The following MYLK variants were observed in gnomAD, a reference collection of about 807,000 sequenced individuals.
The protein encoded by MYLK is myosin light chain kinase, smooth muscle.
MYLK carries 106 observed loss-of-function variants against 203.4 expected under a neutral mutation model. The ratio of observed to expected loss-of-function variants is 0.52; its 90% confidence interval spans 0.45 to 0.61. The LOEUF (loss-of-function observed/expected upper bound fraction) is 0.61, where lower values mean the gene tolerates loss of function less well. Ranked by LOEUF, MYLK falls within the 20% of genes least tolerant of loss-of-function variation. The probability of loss-of-function intolerance (pLI) is 0.00; values close to 1 mark genes in which losing one functional copy is unlikely to be tolerated. For missense variants in MYLK, 2,072 were observed against 2,442.3 expected (o/e 0.85, Z 3.20); for synonymous variants, 867 against 959.5 (o/e 0.90, Z 1.78).
intron 11 of MYLK, 73 bp downstream of exon 11, chr3:123,732,823 C>T: frequency 1.4e-6 from 2 of 1,448,980 alleles, no homozygotes; most frequent in Non-Finnish European, 1.9e-6. Context: ...GATGAACCAT[C>T]TGCAGAAGGT....
chr3:123,756,779 G>A (rs1384505962), intron 4 of MYLK, among the ~76,000 whole-genome samples: 1 of 152,174 alleles, frequency 6.6e-6, no homozygotes, highest in African/African-American at 2.4e-5. Context: ...GTCACTCTAA[G>A]GAGAGAATCG....
intron 2 of MYLK, among the ~76,000 whole-genome samples, chr3:123,862,195 T>C (rs989049209): frequency 2.0e-5 from 3 of 152,258 alleles, no homozygotes; most frequent in African/African-American, 4.8e-5. Flanking sequence ...TGTAACTTCA[T>C]GGCCATCTGT....
At chr3:123,641,827 T>TCTCCC (rs912434093) in intron 27 of MYLK, among the ~76,000 whole-genome samples, 1 of 134,482 alleles carries the variant, frequency 7.4e-6, no homozygotes, top group Non-Finnish European at 1.6e-5. Context: ...CTTTCCTCCT[T>TCTCCC]CTCCCCTCCC....
intron 3 of MYLK, among the ~76,000 whole-genome samples, chr3:123,807,804 G>A (rs1247656372): frequency 1.3e-5 from 2 of 152,192 alleles, no homozygotes; most frequent in African/African-American, 2.4e-5. Flanking sequence ...AAACCTTGCT[G>A]CCCTTCTCCA....
chr3:123,709,615 C>T (rs1399542402), intron 14 of MYLK, 141 bp downstream of exon 14: 5 of 1,066,764 alleles, frequency 4.7e-6, no homozygotes, highest in Non-Finnish European at 7.2e-6. Context: ...CAAGAGTCTC[C>T]ATTTCTTTGG....
chr3:123,813,662 G>A (rs758065528), intron 3 of MYLK, among the ~76,000 whole-genome samples: 3 of 152,062 alleles, frequency 2.0e-5, no homozygotes, highest in African/African-American at 2.4e-5. Context: ...AGACATGTGC[G>A]ACCACGCCTG....
chr3:123,706,301 C>T (rs1471160299), intron 16 of MYLK, among the ~76,000 whole-genome samples: 1 of 152,194 alleles, frequency 6.6e-6, no homozygotes, highest in Non-Finnish European at 1.5e-5. Context: ...GTATAAAGCA[C>T]ATGGTCACAA....
chr3:123,694,642 G>A (rs1005177171), intron 18 of MYLK, among the ~76,000 whole-genome samples: 3 of 152,228 alleles, frequency 2.0e-5, no homozygotes, highest in Admixed American at 1.3e-4. Context: ...CAGTCCCTCA[G>A]CTGCCTTGAG....
chr3:123,733,908 A>AC lies in MYLK; in HGVS notation c.1087dup (p.Val363GlyfsTer38), dbSNP rs34900711. 6.2e-7 allele frequency: 1 copy of AC among 1,613,748 alleles called. No individual in the cohort carries two copies. Among genetic ancestry groups the AC allele is most frequent in the Admixed American group, 1.7e-5 (1 of 60,000 alleles). On this transcript the variant is annotated frameshift_variant, in exon 10 of 34. Transcript: ENST00000360304. LOFTEE classifies it high-confidence loss of function. ...CCTCTCTTCTCCAGAAGGTGATAGGACCCCCAGGCCTGGTGCTCTTGGTTC... is the reference window on the plus strand; with the variant it reads ...CCTCTCTTCTCCAGAAGGTGATAGGACCCCCCAGGCCTGGTGCTCTTGGTTC...
At chr3:123,878,125 G>C (rs774048891) in intron 1 of MYLK, among the ~76,000 whole-genome samples, 5 of 152,096 alleles carry the variant, frequency 3.3e-5, no homozygotes, top group African/African-American at 1.2e-4. Flanking sequence ...TATGAGTAAG[G>C]ATACAAGATG....
intron 4 of MYLK, among the ~76,000 whole-genome samples, chr3:123,790,489 G>C (rs575945872): frequency 6.6e-6 from 1 of 152,164 alleles, no homozygotes; most frequent in Non-Finnish European, 1.5e-5. Flanking sequence ...TGAGCATCTC[G>C]TCGTTTGGAG....
chr3:123,866,386 C>A (rs1365058842), intron 2 of MYLK, among the ~76,000 whole-genome samples: 2 of 152,166 alleles, frequency 1.3e-5, no homozygotes, highest in Non-Finnish European at 2.9e-5. Context: ...ACCACATCTT[C>A]ATTTATTCAA....
chr3:123,646,056 G>A (rs1202803343), intron 27 of MYLK, among the ~76,000 whole-genome samples: 9 of 152,266 alleles, frequency 5.9e-5, no homozygotes, highest in Admixed American at 1.3e-4. Context: ...CCTGGGAGGC[G>A]GAGGTTGCAA....
intron 2 of MYLK, among the ~76,000 whole-genome samples, chr3:123,868,080 A>G (rs2032460330): frequency 6.6e-6 from 1 of 152,228 alleles, no homozygotes; most frequent in Admixed American, 6.5e-5. Flanking sequence ...TTGAAAGGTG[A>G]TAATTATAAT....
At chr3:123,790,527 G>A (rs910587076) in intron 4 of MYLK, among the ~76,000 whole-genome samples, 17 of 152,166 alleles carry the variant, frequency 1.1e-4, no homozygotes, top group African/African-American at 4.1e-4. Context: ...TGAACCCCCA[G>A]GGGGTGCCTG....
intron 20 of MYLK, among the ~76,000 whole-genome samples, chr3:123,679,484 G>C (rs2060189312): frequency 6.6e-6 from 1 of 152,058 alleles, no homozygotes; most frequent in South Asian, 2.1e-4. Flanking sequence ...AGGGCAGCTA[G>C]AGCCAGCCTG....
intron 3 of MYLK, among the ~76,000 whole-genome samples, chr3:123,813,699 C>T (rs751532219): frequency 3.9e-5 from 6 of 152,042 alleles, no homozygotes; most frequent in African/African-American, 7.2e-5. Flanking sequence ...TTAGTAGAGA[C>T]GGGGTTTCAC....
chr3:123,876,880 T>C lies in MYLK; in HGVS notation c.-185-263A>G, dbSNP rs36075782. On this transcript the variant is annotated intron_variant, in intron 1 of 33. Coordinates refer to ENST00000360304, the MANE Select transcript of MYLK (RefSeq NM_053025.4). The stretch of plus-strand genomic sequence containing the variant: ...TTCCCTTGATGTTTTTTCAGTATAG[T>C]TACAGATATAAAATTTTAGCATGAG... 0.1 allele frequency among the ~76,000 whole-genome samples: 15,616 copies of C among 152,168 alleles called. 904 individuals carry two copies. The highest frequency in any genetic ancestry group is 0.21 in the Middle Eastern group (63 of 294).
chr3:123,740,094 G>T, intron 5 of MYLK, 93 bp from the exon 6 acceptor site: 1 of 1,239,254 alleles, frequency 8.1e-7, no homozygotes, highest in Non-Finnish European at 1.2e-6. Flanking sequence ...GTGGGATAGT[G>T]ATGGTGATCA....
Sources: gnomAD v4.1 joint callset for allele counts (sites outside exome capture counted in the v4.1 genomes callset) on GRCh38, gnomAD v4.1.1 for gene constraint, MANE v1.5 for transcripts, NCBI Gene and HGNC (gene_info 2026-07-23, HGNC 2026-07-21) for gene names.